The following MTARC1 variants were observed in gnomAD, a reference collection of about 807,000 sequenced individuals.
MTARC1 encodes the protein mitochondrial amidoxime-reducing component 1.
A neutral mutation model predicts 33.6 loss-of-function variants in MTARC1; 24 were observed. That is an observed-to-expected ratio of 0.72 (90% CI 0.52 to 1.01). The LOEUF (loss-of-function observed/expected upper bound fraction) is 1.01, where lower values mean the gene tolerates loss of function less well. Among genes scored for constraint, MTARC1 ranks in the 50% least tolerant of loss-of-function variants. The pLI, the probability that MTARC1 is intolerant of heterozygous loss-of-function variation, is 0.00. For synonymous variants in MTARC1, 187 were observed against 189.5 expected (o/e 0.99, Z 0.11); for missense variants, 417 against 445.7 (o/e 0.94, Z 0.58).
In MTARC1 at chr1:220,805,100, A is replaced by G. The variant is rs747643544; in HGVS notation, c.802A>G (p.Met268Val). The G allele has an allele frequency of 5.6e-6, 9 of 1,613,986 alleles. No individual in the cohort carries two copies. The change falls in exon 5 of 7, where the codon ATG becomes GTG. Residue 268 changes from methionine to valine, a missense_variant. Physicochemically the swap from Met to Val is conservative, Grantham distance 21. Coordinates refer to ENST00000366910, the MANE Select transcript of MTARC1 (RefSeq NM_022746.4). ...LIGDVELKRV[M>V]ACSRCILTTV... ...TGGTGACGTGGAACTGAAAAGGGTG[A>G]TGGCTTGTTCCAGGTAAGGTGCTTT...
At chr1:220,793,478 A>G (rs1672500455) in intron 2 of MTARC1, 1 of 152,230 alleles carries the variant, frequency 6.6e-6, no homozygotes, top group Non-Finnish European at 1.5e-5. Flanking sequence ...TCTTCGAGCA[A>G]AGATTCCAAG....
Position 220,791,595 on chromosome 1 carries a change from G to A in MTARC1, c.380G>A (p.Ser127Asn). 6.2e-7 allele frequency: 1 copy of A among 1,614,154 alleles called. No homozygotes were observed. The highest frequency in any genetic ancestry group is 8.5e-7 in the Non-Finnish European group (1 of 1,180,044). The change falls in exon 2 of 7, where the codon AGT becomes AAT. Residue 127 changes from serine (S) to asparagine (N), a missense_variant. By Grantham distance (46) the Ser-to-Asn change is conservative. Coordinates refer to ENST00000366910, the MANE Select transcript of MTARC1 (RefSeq NM_022746.4). The stretch of plus-strand genomic sequence containing the variant: ...TGCGATGGTGACACCCTGACTCTCA[G>A]TGCAGCCTACACAAAGGACCTACTA... Reference protein sequence around the residue: ...LTCDGDTLTLSAAYTKDLLLP... With the variant: ...LTCDGDTLTLNAAYTKDLLLP...
In MTARC1 at chr1:220,815,402, C is replaced by T. The variant is rs1227948932; in HGVS notation, c.*1984C>T. ...TAACAGCCACTTCTCTGTGCCCCGT[C>T]CGGGCAGTAACCATCATTCTCCATG... On this transcript the variant is annotated 3_prime_UTR_variant, in exon 7 of 7. Transcript: ENST00000366910. 2 of 152,198 alleles carry T rather than the reference C, an allele frequency of 1.3e-5. No homozygotes were observed. Among genetic ancestry groups the T allele is most frequent in the Admixed American group, 6.5e-5 (1 of 15,280 alleles). 9.4% of individuals were successfully genotyped at this position (152,198 alleles called of 1,614,324 possible). A position where few individuals can be genotyped will look rare whatever the true frequency, so the allele number is the denominator to read the frequency against.
At chr1:220,791,318 ACT>A (rs1466289110) in intron 1 of MTARC1, among the ~76,000 whole-genome samples, 171 bp from the exon 2 acceptor site, 1 of 152,036 alleles carries the variant, frequency 6.6e-6, no homozygotes, top group Non-Finnish European at 1.5e-5. Context: ...TAAGTGACAG[ACT>A]CAGTCCTGTG....
intron 6 of MTARC1, among the ~76,000 whole-genome samples, chr1:220,806,735 C>T (rs1329132729): frequency 1.3e-5 from 2 of 152,218 alleles, no homozygotes; most frequent in African/African-American, 2.4e-5. Flanking sequence ...TGTGGCCTGA[C>T]CTCTCTGGCC....
At chr1:220,790,140 T>G (rs1672377074) in intron 1 of MTARC1, among the ~76,000 whole-genome samples, 1 of 152,228 alleles carries the variant, frequency 6.6e-6, no homozygotes, top group Non-Finnish European at 1.5e-5. Context: ...CAATAAACAT[T>G]GATACACAAA....
intron 2 of MTARC1, among the ~76,000 whole-genome samples, chr1:220,794,543 T>TG (rs1297491891): frequency 6.6e-6 from 1 of 152,000 alleles, no homozygotes; most frequent in Non-Finnish European, 1.5e-5. Flanking sequence ...AGGATCTTTT[T>TG]TTTTTTTGGT....
rs1259910846 is a variant in MTARC1 at position 220,798,172 on chromosome 1, G to A, written c.753+158G>A. ...TTTAGATTTATTCAGCACTTAATAA[G>A]TGCAGACTTCTGTGTGGAGGATACA... On this transcript the variant is annotated intron_variant, in intron 4 of 6. Coordinates refer to ENST00000366910, the MANE Select transcript of MTARC1 (RefSeq NM_022746.4). 6.3e-6 allele frequency: 10 copies of A among 1,578,400 alleles called. No homozygotes were observed. The Admixed American group carries it at 7.0e-5, about 11-fold the overall frequency.
At chr1:220,794,896 C>T (rs538956720) in intron 2 of MTARC1, among the ~76,000 whole-genome samples, 6 of 152,164 alleles carry the variant, frequency 3.9e-5, no homozygotes, top group Middle Eastern at 3.4e-3. Context: ...ATGAGTGTTA[C>T]GCTTCAATAA....
rs200695818 is a variant in MTARC1, at chr1:220,805,009, A to G, written c.754-43A>G. 1.5e-4 allele frequency: 229 copies of G among 1,540,432 alleles called. 1 individual carries two copies. In the African/African-American group the frequency reaches 2.4e-3, roughly 16 times the overall value. On this transcript the variant is annotated intron_variant, in intron 4 of 6. Transcript: ENST00000366910. ...AAATCTCTACACACGTGTCAGGGGC[A>G]GGGCCCAGAGATGCTCATGGGAATT...
At chr1:220,796,093 C>T (rs1672607282) in intron 2 of MTARC1, among the ~76,000 whole-genome samples, 4 of 151,852 alleles carry the variant, frequency 2.6e-5, no homozygotes, top group Admixed American at 2.6e-4. Flanking sequence ...GCAATCAAAT[C>T]CAGTAGATTA....
intron 4 of MTARC1, chr1:220,798,215 G>C: frequency 6.6e-7 from 1 of 1,504,658 alleles, no homozygotes; most frequent in Non-Finnish European, 8.9e-7. Flanking sequence ...ATGGGTCAGA[G>C]ACTGTCATCA....
At chr1:220,798,542 A>T (rs1451000753) in intron 4 of MTARC1, 1 of 985,338 alleles carries the variant, frequency 1.0e-6, no homozygotes, top group Non-Finnish European at 1.2e-6. Context: ...TAGCTTGAAC[A>T]GCCCTGAGGC....
rs1468653791 is a variant in MTARC1, at chr1:220,817,736, C to G, written c.*4318C>G. ...TCTCACTGGGACTACAGGTGCACAC[C>G]ACCACACCCAGCTAATTTTTGTATT... On this transcript the variant is annotated 3_prime_UTR_variant, in exon 7 of 7. Coordinates refer to ENST00000366910, the MANE Select transcript of MTARC1 (RefSeq NM_022746.4). 1 of 152,326 alleles carries G rather than the reference C, an allele frequency of 6.6e-6. No individual in the cohort carries two copies. Among genetic ancestry groups the G allele is most frequent in the African/African-American group, 2.4e-5 (1 of 41,440 alleles). 9.4% of individuals were successfully genotyped at this position (152,326 alleles called of 1,614,324 possible).
At chr1:220,789,794 A>G (rs532582877) in intron 1 of MTARC1, among the ~76,000 whole-genome samples, 6 of 152,362 alleles carry the variant, frequency 3.9e-5, no homozygotes, top group Non-Finnish European at 7.3e-5. Context: ...CATAATACTA[A>G]TTGAAATAAG....
At chr1:220,812,566 C>G (rs1000879056) in intron 6 of MTARC1, among the ~76,000 whole-genome samples, 2 of 152,164 alleles carry the variant, frequency 1.3e-5, no homozygotes, top group Non-Finnish European at 2.9e-5. Context: ...TCGGCAGCTG[C>G]GGACAGGCTG....
rs1673239267 is a variant in MTARC1 at position 220,814,738 on chromosome 1, C to G, written c.*1320C>G. 1 of 151,738 alleles carries G rather than the reference C, an allele frequency of 6.6e-6. No homozygotes were observed. The highest frequency in any genetic ancestry group is 1.5e-5 in the Non-Finnish European group (1 of 68,036). 9.4% of individuals were successfully genotyped at this position (151,738 alleles called of 1,614,324 possible). A position where few individuals can be genotyped will look rare whatever the true frequency, so the allele number is the denominator to read the frequency against. ...CCTGAGTGATAGAGTGAGACCCTATCTCTAAAAAAGAAACAGGAAAAAAAA... is the reference window on the plus strand; with the variant it reads ...CCTGAGTGATAGAGTGAGACCCTATGTCTAAAAAAGAAACAGGAAAAAAAA... On this transcript the variant is annotated 3_prime_UTR_variant, in exon 7 of 7. Transcript: ENST00000366910.
chr1:220,787,420 CTG>C (rs1672269884), intron 1 of MTARC1, among the ~76,000 whole-genome samples: 3 of 152,334 alleles, frequency 2.0e-5, no homozygotes, highest in Admixed American at 1.3e-4. Flanking sequence ...CTCTGGGACT[CTG>C]AGCGCGTGGA....
intron 2 of MTARC1, among the ~76,000 whole-genome samples, chr1:220,792,610 A>C (rs1484628117): frequency 3.3e-5 from 5 of 151,830 alleles, no homozygotes; most frequent in Non-Finnish European, 4.4e-5. Flanking sequence ...TCAGATTAGA[A>C]AAGTGGTACA....
Sources: allele counts gnomAD v4.1 joint callset (sites outside exome capture counted in the v4.1 genomes callset), GRCh38; gene constraint gnomAD v4.1.1; transcripts MANE v1.5; gene names NCBI Gene and HGNC (gene_info 2026-07-23, HGNC 2026-07-21).